TCEAL2: variants seen among roughly 807,000 people sequenced by gnomAD.
TCEAL2 encodes the protein transcription elongation factor A protein-like 2.
For missense variants in TCEAL2, 169 were observed against 166.6 expected (o/e 1.01, Z -0.08); for synonymous variants, 65 against 57.9 (o/e 1.12, Z -0.55).
At chrX:102,126,305 A>G in intron 1 of TCEAL2, 68 bp from the exon 2 acceptor site, 2 of 827,358 alleles carry the variant, frequency 2.4e-6, no homozygotes, top group Non-Finnish European at 3.4e-6. Flanking sequence ...GGACTCAGGA[A>G]AGGGAACCGA....
chrX:102,127,379 A>T lies in TCEAL2; in HGVS notation c.549A>T (p.Lys183Asn), dbSNP rs771049632. The change falls in exon 3 of 3, where the codon AAA becomes AAT. Residue 183 changes from lysine to asparagine, a missense_variant. Transcript: ENST00000372780. ...CTAGGGTGGAGGATAAAAGGAGAAA[A>T]AGCAAACAGAAATTGGGGGCGTTTT... is the stretch of plus-strand genomic sequence containing the variant. ...NMARVEDKRRKSKQKLGAFLW... is the reference protein window; with the variant it reads ...NMARVEDKRRNSKQKLGAFLW... 8.3e-7 allele frequency: 1 copy of T among 1,211,072 alleles called. No homozygotes were observed. Among genetic ancestry groups the T allele is most frequent in the African/African-American group, 1.7e-5 (1 of 57,635 alleles).
chrX:102,126,827 C>T lies in TCEAL2; in HGVS notation c.-4C>T. 8.3e-7 allele frequency: 1 copy of T among 1,200,405 alleles called. No homozygotes were observed. On this transcript the variant is annotated 5_prime_UTR_variant, in exon 3 of 3. Coordinates refer to ENST00000372780, the MANE Select transcript of TCEAL2 (RefSeq NM_080390.4). ...AGGAAAGGAAAAGGAGGGGAAATCTCGACATGGAAAAACTCTTCAATGAAA... is the reference window on the plus strand; with the variant it reads ...AGGAAAGGAAAAGGAGGGGAAATCTTGACATGGAAAAACTCTTCAATGAAA...
At position 102,127,448 on chromosome X, in the gene TCEAL2, T is replaced by C; in HGVS notation, c.618T>C (p.Gly206=). 1.7e-6 allele frequency: 2 copies of C among 1,200,853 alleles called. No homozygotes were observed. Among genetic ancestry groups the C allele is most frequent in the Non-Finnish European group, 2.2e-6 (2 of 891,811 alleles). Residue 206 remains glycine, a synonymous_variant, in exon 3 of 3, where the codon GGT becomes GGC. Coordinates refer to ENST00000372780, the MANE Select transcript of TCEAL2 (RefSeq NM_080390.4). ...TACAGGACCCCTTCTATCCTAGGGG[T>C]CCAAGGGAATTCAGGGGTGGCTGCA... ...RNLQDPFYPR[G]PREFRGGCRA...
In TCEAL2 at chrX:102,127,451, A is replaced by G. The variant is rs765137782; in HGVS notation, c.621A>G (p.Pro207=). The change falls in exon 3 of 3, where the codon CCA becomes CCG. Residue 207 remains proline, a synonymous_variant. Coordinates refer to ENST00000372780, the MANE Select transcript of TCEAL2 (RefSeq NM_080390.4). ...AGGACCCCTTCTATCCTAGGGGTCC[A>G]AGGGAATTCAGGGGTGGCTGCAGGG... ...NLQDPFYPRG[P]REFRGGCRAP... 1.7e-6 allele frequency: 2 copies of G among 1,199,825 alleles called. No individual in the cohort carries two copies. The highest frequency in any genetic ancestry group is 3.5e-5 in the African/African-American group (2 of 56,578).
Position 102,127,064 on chromosome X carries a change from G to A in TCEAL2, c.234G>A (p.Arg78=). ...GKAKGEGKSE[R]KGKSEMQGGS... is the part of the protein sequence containing the mutation. ...CAAAAGGAGAAGGAAAGTCAGAGAG[G>A]AAGGGAAAGTCAGAGATGCAGGGAG... The change falls in exon 3 of 3, where the codon AGG becomes AGA. Residue 78 remains arginine, a synonymous_variant. Coordinates refer to ENST00000372780, the MANE Select transcript of TCEAL2 (RefSeq NM_080390.4). 1 of 1,196,377 alleles carries A rather than the reference G, an allele frequency of 8.4e-7. No individual in the cohort carries two copies. The highest frequency in any genetic ancestry group is 1.8e-5 in the South Asian group (1 of 55,551).
chrX:102,127,030 C>T lies in TCEAL2; in HGVS notation c.200C>T (p.Ala67Val). 8.3e-7 allele frequency: 1 copy of T among 1,203,952 alleles called. No homozygotes were observed. The highest frequency in any genetic ancestry group is 1.1e-6 in the Non-Finnish European group (1 of 891,370). The stretch of plus-strand genomic sequence containing the variant: ...AAGGATAAAGAAAAGCCAGAGAGTG[C>T]GGGAAAGGCAAAAGGAGAAGGAAAG... ...PLKDKEKPESAGKAKGEGKSE... is the reference protein window; with the variant it reads ...PLKDKEKPESVGKAKGEGKSE... The change falls in exon 3 of 3, where the codon GCG becomes GTG. Residue 67 changes from alanine (A) to valine (V), a missense_variant. Ala to Val is a moderately conservative substitution (Grantham distance 64). Coordinates refer to ENST00000372780, the MANE Select transcript of TCEAL2 (RefSeq NM_080390.4).
At position 102,127,551 on chromosome X, in the gene TCEAL2, A is replaced by C. The variant is rs1295582215; in HGVS notation, c.*37A>C. On this transcript the variant is annotated 3_prime_UTR_variant, in exon 3 of 3. Transcript: ENST00000372780. ...GGCATTTGTCAGGCCATATGTTTTA[A>C]CCTTATGGTAATACTTTGCTTTAGT... 2 of 1,129,255 alleles carry C rather than the reference A, an allele frequency of 1.8e-6. No homozygotes were observed. The highest frequency in any genetic ancestry group is 5.4e-4 in the Middle Eastern group (2 of 3,707). The allele number at this position is 1,129,255 out of a possible 1,213,427, so 93.1% of individuals were successfully genotyped here.
Position 102,127,397 on chromosome X carries a change from G to A in TCEAL2, c.567G>A (p.Gly189=). ...DKRRKSKQKL[G]AFLWMQRNLQ... ...GGAGAAAAAGCAAACAGAAATTGGG[G>A]GCGTTTTTGTGGATGCAAAGAAATT... is the stretch of plus-strand genomic sequence containing the variant. The change falls in exon 3 of 3, where the codon GGG becomes GGA. Residue 189 remains glycine (G), a synonymous_variant. Coordinates refer to ENST00000372780, the MANE Select transcript of TCEAL2 (RefSeq NM_080390.4). 2.5e-6 allele frequency: 3 copies of A among 1,211,121 alleles called. No individual in the cohort carries two copies. The highest frequency in any genetic ancestry group is 2.3e-4 in the Middle Eastern group (1 of 4,348).
At chrX:102,126,545 C>G in intron 2 of TCEAL2, 100 bp downstream of exon 2, 1 of 590,547 alleles carries the variant, frequency 1.7e-6, no homozygotes, top group Non-Finnish European at 2.7e-6. Context: ...CATCCCCTTA[C>G]CTACATGAAC....
Position 102,127,181 on chromosome X carries a change from G to A in TCEAL2, c.351G>A (p.Glu117=), listed in dbSNP as rs768808582. The A allele has an allele frequency of 1.1e-5, 13 of 1,208,122 alleles. 1 individual carries two copies. In the South Asian group the frequency reaches 1.6e-4, roughly 15 times the overall value. Residue 117 remains glutamate (E), a synonymous_variant, in exon 3 of 3, where the codon GAG becomes GAA. Transcript: ENST00000372780. ...AAAGAGAGCCAGAGAGTGAGGGAGA[G>A]CCAGAAAGTGAAACAAGGGCTGCAG... ...DSEREPESEG[E]PESETRAAGK...
chrX:102,126,992 T>C lies in TCEAL2; in HGVS notation c.162T>C (p.Val54=). 8.3e-7 allele frequency: 1 copy of C among 1,210,377 alleles called. No individual in the cohort carries two copies. Residue 54 remains valine (V), a synonymous_variant, in exon 3 of 3, where the codon GTT becomes GTC. Coordinates refer to ENST00000372780, the MANE Select transcript of TCEAL2 (RefSeq NM_080390.4). ...EGNTENTGKR[V]EEPLKDKEKP... The stretch of plus-strand genomic sequence containing the variant: ...ACACAGAAAACACGGGCAAGAGAGT[T>C]GAGGAACCGTTAAAGGATAAAGAAA...
In TCEAL2 at chrX:102,127,124, A is replaced by G. The variant is rs745809727; in HGVS notation, c.294A>G (p.Gly98=). The change falls in exon 3 of 3, where the codon GGA becomes GGG. Residue 98 remains glycine (G), a synonymous_variant. Coordinates refer to ENST00000372780, the MANE Select transcript of TCEAL2 (RefSeq NM_080390.4). ...CAGAGGGAAAGCCAGAGAGAGGGGGAAGGGCAGAGGGTGAAGGAGAGCCAG... is the reference window on the plus strand; with the variant it reads ...CAGAGGGAAAGCCAGAGAGAGGGGGGAGGGCAGAGGGTGAAGGAGAGCCAG... ...SKTEGKPERG[G]RAEGEGEPDS... The G allele has an allele frequency of 2.5e-6, 3 of 1,197,711 alleles. No homozygotes were observed. The African/African-American group carries it at 5.3e-5, about 21-fold the overall frequency.
Position 102,127,236 on chromosome X carries a change from A to T in TCEAL2, c.406A>T (p.Arg136Trp). The change falls in exon 3 of 3, where the codon AGG becomes TGG. Residue 136 changes from arginine (R) to tryptophan (W), a missense_variant. Transcript: ENST00000372780. Reference sequence around the variant, plus strand: ...GCGCCCAGCTGAGGATGATATACCCAGGAAAGCCAAAAGAAAAACCAACAA... The same window carrying T: ...GCGCCCAGCTGAGGATGATATACCCTGGAAAGCCAAAAGAAAAACCAACAA... ...GKRPAEDDIP[R>W]KAKRKTNKGL... The T allele has an allele frequency of 8.3e-7, 1 of 1,211,731 alleles. No individual in the cohort carries two copies. The highest frequency in any genetic ancestry group is 1.1e-6 in the Non-Finnish European group (1 of 895,542).
Position 102,127,616 on chromosome X carries a change from A to C in TCEAL2, c.*102A>C, listed in dbSNP as rs779736962. ...CCAGTAGCGTTTTGACCCACCTGCCAGTGTTTGCTTGCTCTATGTTTCAGT... is the reference window on the plus strand; with the variant it reads ...CCAGTAGCGTTTTGACCCACCTGCCCGTGTTTGCTTGCTCTATGTTTCAGT... On this transcript the variant is annotated 3_prime_UTR_variant, in exon 3 of 3. Transcript: ENST00000372780. 1.4e-5 allele frequency: 13 copies of C among 928,158 alleles called. No individual in the cohort carries two copies. Among genetic ancestry groups the C allele is most frequent in the Non-Finnish European group, 1.9e-5 (13 of 689,983 alleles). 76.5% of individuals were successfully genotyped at this position (928,158 alleles called of 1,213,427 possible). A position where few individuals can be genotyped will look rare whatever the true frequency, so the allele number is the denominator to read the frequency against.
chrX:102,127,204 C>T lies in TCEAL2; in HGVS notation c.374C>T (p.Ala125Val), dbSNP rs142560569. 1.5e-4 allele frequency: 186 copies of T among 1,208,531 alleles called. No individual in the cohort carries two copies. Among genetic ancestry groups the T allele is most frequent in the African/African-American group, 1.1e-3 (60 of 56,717 alleles). Reference protein sequence around the residue: ...EGEPESETRAAGKRPAEDDIP... With the variant: ...EGEPESETRAVGKRPAEDDIP... ...GAGCCAGAAAGTGAAACAAGGGCTG[C>T]AGGAAAGCGCCCAGCTGAGGATGAT... Residue 125 changes from alanine to valine, a missense_variant, in exon 3 of 3, where the codon GCA (alanine) becomes GTA (valine). Physicochemically the swap from Ala to Val is moderately conservative, Grantham distance 64 (BLOSUM62 0). Transcript: ENST00000372780.
In TCEAL2 at chrX:102,126,960, G is replaced by C. The variant is rs775294152; in HGVS notation, c.130G>C (p.Glu44Gln). 5.0e-6 allele frequency: 6 copies of C among 1,211,993 alleles called. No homozygotes were observed. In the South Asian group the frequency reaches 1.1e-4, roughly 21 times the overall value. The part of the protein sequence containing the change: ...CILEDKKLEN[E>Q]GNTENTGKRV... ...TCTGGAAGACAAGAAGTTAGAAAACGAGGGAAACACAGAAAACACGGGCAA... is the reference window on the plus strand; with the variant it reads ...TCTGGAAGACAAGAAGTTAGAAAACCAGGGAAACACAGAAAACACGGGCAA... The change falls in exon 3 of 3, where the codon GAG (glutamate) becomes CAG (glutamine). Residue 44 changes from glutamate to glutamine, a missense_variant. Coordinates refer to ENST00000372780, the MANE Select transcript of TCEAL2 (RefSeq NM_080390.4).
In TCEAL2 at chrX:102,127,269, GCTCAGTAC is replaced by G; in HGVS notation, c.444_451del (p.Tyr149AlafsTer3). 1 of 1,211,745 alleles carries G rather than the reference GCTCAGTAC, an allele frequency of 8.3e-7. No homozygotes were observed. The highest frequency in any genetic ancestry group is 1.1e-6 in the Non-Finnish European group (1 of 895,521). On this transcript the variant is annotated frameshift_variant, in exon 3 of 3. Coordinates refer to ENST00000372780, the MANE Select transcript of TCEAL2 (RefSeq NM_080390.4). LOFTEE classifies it low-confidence loss of function (END_TRUNC). Reference sequence around the variant, plus strand: ...CAAAAGAAAAACCAACAAGGGGCTGGCTCAGTACCTCAAGCAATATAAGGAAGCCATAC... The same window carrying G: ...CAAAAGAAAAACCAACAAGGGGCTGGCTCAAGCAATATAAGGAAGCCATAC...
In TCEAL2 at chrX:102,127,358, G is replaced by A; in HGVS notation, c.528G>A (p.Arg176=). Residue 176 remains arginine (R), a synonymous_variant, in exon 3 of 3, where the codon AGG becomes AGA. Transcript: ENST00000372780. ...DMIREFDNMA[R]VEDKRRKSKQ... ...TAAGAGAATTTGACAACATGGCTAG[G>A]GTGGAGGATAAAAGGAGAAAAAGCA... 1.7e-6 allele frequency: 2 copies of A among 1,211,119 alleles called. No individual in the cohort carries two copies. Among genetic ancestry groups the A allele is most frequent in the Non-Finnish European group, 2.2e-6 (2 of 895,395 alleles).
chrX:102,126,130 T>C, intron 1 of TCEAL2: 1 of 324,779 alleles, frequency 3.1e-6, no homozygotes, highest in Non-Finnish European at 5.4e-6. Flanking sequence ...ACACTTGATC[T>C]CCGCAAAAAT....
Sources: allele counts gnomAD v4.1 joint callset, GRCh38; gene constraint gnomAD v4.1.1; transcripts MANE v1.5; gene names NCBI Gene and HGNC (gene_info 2026-07-23, HGNC 2026-07-21).